C1orf54: variants seen among roughly 807,000 people sequenced by gnomAD.
C1orf54 encodes uncharacterized protein C1orf54.
Under a neutral mutation model 14.7 loss-of-function variants are expected in C1orf54, and 12 were observed. The observed-to-expected ratio is 0.82, with a 90% CI of 0.52 to 1.32. The LOEUF (loss-of-function observed/expected upper bound fraction) is 1.32. Ranked by LOEUF, C1orf54 falls within the 40% of genes most tolerant of loss-of-function variation. C1orf54 has a pLI of 0.00. For missense variants in C1orf54, 163 were observed against 162.2 expected (o/e 1.00, Z -0.03); for synonymous variants, 65 against 56.3 (o/e 1.16, Z -0.70).
At chr1:150,277,502 T>TAAA (rs71083896) in intron 4 of C1orf54, among the ~76,000 whole-genome samples, 12,749 of 41,232 alleles carry the variant, frequency 0.31, 4,389 homozygotes, top group Non-Finnish European at 0.46. Context: ...GACTCTATAC[T>TAAA]AAAAAAAAAA....
chr1:150,279,612 C>A (rs782277241), intron 4 of C1orf54, 31 bp from the exon 5 acceptor site: 8 of 1,585,824 alleles, frequency 5.0e-6, no homozygotes, highest in African/African-American at 2.7e-5. Context: ...TGACACCAGC[C>A]TACTGTGTGG....
upstream of C1orf54, among the ~76,000 whole-genome samples, chr1:150,270,026 G>C (rs782789120): frequency 7.9e-5 from 12 of 152,256 alleles, 1 homozygote; most frequent in African/African-American, 2.9e-4. Context: ...AACGGAGTGA[G>C]GTTCTGTCTC....
chr1:150,275,273 T>C (rs1178644463), intron 2 of C1orf54, among the ~76,000 whole-genome samples: 2 of 151,974 alleles, frequency 1.3e-5, no homozygotes, highest in African/African-American at 4.8e-5. Context: ...CCTGATCTCG[T>C]GATCTGCCCA....
intron 4 of C1orf54, among the ~76,000 whole-genome samples, chr1:150,278,492 T>A (rs1553852917): frequency 6.6e-6 from 1 of 152,014 alleles, no homozygotes; most frequent in Non-Finnish European, 1.5e-5. Context: ...AAGTGCAAAG[T>A]CACAGATATG....
intron 5 of C1orf54, 95 bp downstream of exon 5, chr1:150,279,836 T>A (rs16835699): frequency 2.2e-5 from 23 of 1,066,266 alleles, no homozygotes; most frequent in Middle Eastern, 2.1e-4. Flanking sequence ...GTATCTCTAG[T>A]TAGTGTTTCC....
chr1:150,276,088 A>G (rs1165029985), intron 3 of C1orf54, among the ~76,000 whole-genome samples: 3 of 152,166 alleles, frequency 2.0e-5, no homozygotes, highest in South Asian at 2.1e-4. Flanking sequence ...GCAGTGAGCC[A>G]AGATCGTTCC....
chr1:150,277,308 A>G (rs1348264073), intron 4 of C1orf54, among the ~76,000 whole-genome samples: 1 of 151,954 alleles, frequency 6.6e-6, no homozygotes, highest in Non-Finnish European at 1.5e-5. Context: ...AGGCTAGTTC[A>G]ATGGCCAACA....
chr1:150,277,468 A>G (rs191261896), intron 4 of C1orf54, among the ~76,000 whole-genome samples: 2 of 128,356 alleles, frequency 1.6e-5, no homozygotes, highest in Non-Finnish European at 3.1e-5. Context: ...ACGCCACTCT[A>G]CTCCAGCCTG....
chr1:150,279,981 C>G (rs1553853148), intron 5 of C1orf54, among the ~76,000 whole-genome samples: 1 of 151,910 alleles, frequency 6.6e-6, no homozygotes, highest in African/African-American at 2.4e-5. Flanking sequence ...TAGTTTAAGT[C>G]CAGGCTGAGC....
upstream of C1orf54, chr1:150,272,689 GC>G: frequency 2.2e-6 from 2 of 915,698 alleles, no homozygotes; most frequent in Non-Finnish European, 3.5e-6. Flanking sequence ...GGGGAGTTCT[GC>G]CCCCTGGGAG....
upstream of C1orf54, among the ~76,000 whole-genome samples, chr1:150,271,561 A>C (rs1044413937): frequency 4.6e-5 from 7 of 152,284 alleles, no homozygotes; most frequent in African/African-American, 1.7e-4. Context: ...TTAAGAACAA[A>C]GCAAAACTGT....
chr1:150,274,055 T>C, intron 1 of C1orf54, 32 bp from the exon 2 acceptor site: 1 of 1,479,762 alleles, frequency 6.8e-7, no homozygotes, highest in Non-Finnish European at 9.4e-7. Context: ...GTGTTCCAGA[T>C]GTCCCTTGAC....
In C1orf54 at chr1:150,275,637, T is replaced by G. The variant is rs16835676; in HGVS notation, c.131-104T>G. The G allele has an allele frequency of 3.6e-3, 3,152 of 871,778 alleles. 81 individuals are homozygous for G. In the African/African-American group the frequency reaches 0.048, roughly 13 times the overall value. The allele number at this position is 871,778 out of a possible 1,614,324, so 54.0% of individuals were successfully genotyped here. A position where few individuals can be genotyped will look rare whatever the true frequency, so the allele number is the denominator to read the frequency against. On this transcript the variant is annotated intron_variant, in intron 2 of 5. Coordinates refer to ENST00000369099, the MANE Select transcript of C1orf54 (RefSeq NM_024579.4). Reference sequence around the variant, plus strand: ...AAAATTGGATTATACCAATAAATGTTACAACTTAAGTTAAACTATTCTGAG... The same window carrying G: ...AAAATTGGATTATACCAATAAATGTGACAACTTAAGTTAAACTATTCTGAG...
chr1:150,280,880 G>A lies in C1orf54; in HGVS notation c.*49G>A, dbSNP rs587714271. The A allele has an allele frequency of 6.5e-7, 1 of 1,550,100 alleles. No homozygotes were observed. The highest frequency in any genetic ancestry group is 1.2e-5 in the South Asian group (1 of 84,034). On this transcript the variant is annotated 3_prime_UTR_variant, in exon 6 of 6. Transcript: ENST00000369099. ...CTCTTTGGATGGGAGTCTGGCAAGAGGAAATTGGAAGATAAAATAAATAAT... is the reference window on the plus strand; with the variant it reads ...CTCTTTGGATGGGAGTCTGGCAAGAAGAAATTGGAAGATAAAATAAATAAT...
At chr1:150,270,618 G>C (rs1273174309), upstream of C1orf54, among the ~76,000 whole-genome samples, 1 of 151,910 alleles carries the variant, frequency 6.6e-6, no homozygotes, top group African/African-American at 2.4e-5. Flanking sequence ...ACTCCAACCT[G>C]GGCGACAGAG....
chr1:150,279,706 G>C lies in C1orf54; in HGVS notation c.364G>C (p.Ala122Pro). The C allele has an allele frequency of 6.2e-7, 1 of 1,613,274 alleles. No individual in the cohort carries two copies. The change falls in exon 5 of 6, where the codon GCC (alanine) becomes CCC (proline). Residue 122 changes from alanine to proline, a missense_variant. Transcript: ENST00000369099. Reference protein sequence around the residue: ...RSPIPLLLSCAFVQVGMYFM With the variant: ...RSPIPLLLSCPFVQVGMYFM ...TCCTATTCCCCTCCTCCTGTCGTGT[G>C]CCTTTGTTCAGGTGGGGATGTATTT...
chr1:150,275,823 G>C, intron 3 of C1orf54, 24 bp downstream of exon 3: 1 of 1,587,376 alleles, frequency 6.3e-7, no homozygotes, highest in Non-Finnish European at 8.6e-7. Context: ...ACATCTAAAA[G>C]GGTTAGGATA....
At position 150,274,087 on chromosome 1, in the gene C1orf54, G is replaced by A. The variant is rs782608543; in HGVS notation, c.47G>A (p.Gly16Glu). 16 of 1,609,226 alleles carry A rather than the reference G, an allele frequency of 9.9e-6. No homozygotes were observed. The South Asian group carries it at 1.8e-4, about 18-fold the overall frequency. Residue 16 changes from glycine (G) to glutamate (E), a missense_variant and splice_region_variant, in exon 2 of 6, where the codon GGA becomes GAA. Gly to Glu is a moderately conservative substitution (Grantham distance 98). Coordinates refer to ENST00000369099, the MANE Select transcript of C1orf54 (RefSeq NM_024579.4). ...TGACCTCTAGTCCTTGTCCCCATAGGACAAGAATATGAGGATGAAGAAAGA... is the reference window on the plus strand; with the variant it reads ...TGACCTCTAGTCCTTGTCCCCATAGAACAAGAATATGAGGATGAAGAAAGA... ...VAIFAVPLIL[G>E]QEYEDEERLG...
chr1:150,275,340 T>C (rs1452957444), intron 2 of C1orf54, among the ~76,000 whole-genome samples: 1 of 151,244 alleles, frequency 6.6e-6, no homozygotes, highest in African/African-American at 2.4e-5. Flanking sequence ...CCGGCCAAAT[T>C]TTTTTTTTTT....
Sources: allele counts gnomAD v4.1 joint callset (sites outside exome capture counted in the v4.1 genomes callset), GRCh38; gene constraint gnomAD v4.1.1; transcripts MANE v1.5; gene names NCBI Gene and HGNC (gene_info 2026-07-23, HGNC 2026-07-21).